OTOG: variants seen among roughly 807,000 people sequenced by gnomAD.
OTOG encodes otogelin.
Under a neutral mutation model 313.8 loss-of-function variants are expected in OTOG, and 296 were observed. That is an observed-to-expected ratio of 0.94 (90% confidence interval 0.86 to 1.04). The LOEUF is 1.04. OTOG is among the 50% of genes least tolerant of loss of function. The pLI, the probability that OTOG is intolerant of heterozygous loss-of-function variation, is 0.00. For synonymous variants in OTOG, 1,533 were observed against 1,554.9 expected, an observed-to-expected ratio of 0.99 and a Z score of 0.33; for missense variants, 3,948 against 3,840.1, an observed-to-expected ratio of 1.03 and a Z score of -0.74.
At chr11:17,577,727 C>A (rs543369005) in intron 22 of OTOG, among the ~76,000 whole-genome samples, 1 of 152,134 alleles carries the variant, frequency 6.6e-6, no homozygotes, top group East Asian at 1.9e-4. Context: ...TTTATCTCAC[C>A]TCCTGTGCCT....
intron 19 of OTOG, 38 bp downstream of exon 19, chr11:17,573,328 C>A (rs547310488): frequency 4.4e-5 from 65 of 1,482,852 alleles, no homozygotes; most frequent in Middle Eastern, 4.6e-4. Context: ...GCTGGAGGAG[C>A]CAGAGCTCCA....
chr11:17,613,734 G>A, intron 39 of OTOG, 33 bp downstream of exon 39: 1 of 1,533,362 alleles, frequency 6.5e-7, no homozygotes. Flanking sequence ...CTCCAGGGCA[G>A]GGCCACAGTC....
chr11:17,601,093 T>C (rs917649734), intron 31 of OTOG, among the ~76,000 whole-genome samples: 6 of 152,190 alleles, frequency 3.9e-5, no homozygotes, highest in African/African-American at 1.4e-4. Flanking sequence ...ACAAACCACT[T>C]TTTTTTGTTT....
intron 34 of OTOG, 145 bp downstream of exon 34, chr11:17,608,558 ACATATGTCAG>A: frequency 3.3e-6 from 2 of 597,206 alleles, no homozygotes; most frequent in Middle Eastern, 4.3e-4. Context: ...CCGTATATGC[ACATATGTCAG>A]CATATGTGAC....
chr11:17,596,000 C>T, intron 28 of OTOG, 38 bp from the exon 29 acceptor site: 1 of 1,420,094 alleles, frequency 7.0e-7, no homozygotes, highest in Non-Finnish European at 9.7e-7. Context: ...AGGCATTTGG[C>T]AAGTAGGGAG....
intron 15 of OTOG, among the ~76,000 whole-genome samples, chr11:17,568,032 C>T (rs1204265655): frequency 7.2e-5 from 11 of 152,188 alleles, no homozygotes; most frequent in Admixed American, 3.3e-4. Flanking sequence ...CTCAGCCTCC[C>T]GAGTAACTGG....
Position 17,596,063 on chromosome 11 carries a change from A to G in OTOG, c.3434A>G (p.Asp1145Gly), listed in dbSNP as rs1205848323. Residue 1145 changes from aspartate (D) to glycine (G), a missense_variant, in exon 29 of 56, where the codon GAT becomes GGT. Asp to Gly is a moderately conservative substitution (Grantham distance 94). Transcript: ENST00000399397. ...TGCCCAGACACCCTCGATCCTCGGG[A>G]TATGTGTGTCCTGAATCCTCTCCGA... ...VECPDTLDPRDMCVLNPLREP... is the reference protein window; with the variant it reads ...VECPDTLDPRGMCVLNPLREP... The G allele has an allele frequency of 5.8e-6, 9 of 1,550,676 alleles. No individual in the cohort carries two copies. The highest frequency in any genetic ancestry group is 7.8e-6 in the Non-Finnish European group (9 of 1,146,990).
At chr11:17,577,641 C>T (rs990818302) in intron 22 of OTOG, among the ~76,000 whole-genome samples, 6 of 152,162 alleles carry the variant, frequency 3.9e-5, no homozygotes, top group African/African-American at 1.2e-4. Flanking sequence ...TGCATCCTCC[C>T]CATGTTTTGT....
intron 34 of OTOG, 81 bp from the exon 35 acceptor site, chr11:17,609,049 A>T (rs1239557698): frequency 9.1e-7 from 1 of 1,103,826 alleles, no homozygotes; most frequent in Non-Finnish European, 1.3e-6. Context: ...AGAAAGGATA[A>T]GGCCTGTGCT....
chr11:17,613,195 T>TTTCCTTTCTTTCTTTC lies in OTOG; in HGVS notation c.6439-415_6439-414insCCTTTCTTTCTTTCTT, dbSNP rs1401646180. Reference sequence around the variant, plus strand: ...TTTTCTTTCTTTCTTTCTTTCTTTCTTTTCTTTCTTTCTTTCTTTCTTTCT... The same window carrying TTTCCTTTCTTTCTTTC: ...TTTTCTTTCTTTCTTTCTTTCTTTCTTTCCTTTCTTTCTTTCTTTCTTTCTTTCTTTCTTTCTTTCT... On this transcript the variant is annotated intron_variant, in intron 38 of 55. Transcript: ENST00000399397. Among the ~76,000 whole-genome samples, 18 of 65,368 alleles carry TTTCCTTTCTTTCTTTC rather than the reference T, an allele frequency of 2.8e-4. 1 individual carries two copies. Among genetic ancestry groups the TTTCCTTTCTTTCTTTC allele is most frequent in the Admixed American group, 1.8e-3 (12 of 6,638 alleles). 42.9% of individuals were successfully genotyped at this position (65,368 alleles called of 152,430 possible). A position where few individuals can be genotyped will look rare whatever the true frequency, so the allele number is the denominator to read the frequency against.
intron 24 of OTOG, among the ~76,000 whole-genome samples, chr11:17,587,207 A>C (rs559725413): frequency 1.8e-4 from 28 of 152,306 alleles, no homozygotes; most frequent in African/African-American, 6.5e-4. Context: ...GTATTTGTTT[A>C]GTAATGTAAG....
In OTOG at chr11:17,635,160, G is replaced by T. The variant is rs1474069594; in HGVS notation, c.7666G>T (p.Asp2556Tyr). Residue 2556 changes from aspartate to tyrosine, a missense_variant, in exon 46 of 56, where the codon GAC becomes TAC. Asp to Tyr is a radical substitution (Grantham distance 160). Transcript: ENST00000399397. ...GATCCTGATCACGGGCCGCCTGGGGGACTCCTGCTGCACCTCCTACTTCTG... is the reference window on the plus strand; with the variant it reads ...GATCCTGATCACGGGCCGCCTGGGGTACTCCTGCTGCACCTCCTACTTCTG... ...DQILITGRLG[D>Y]SCCTSYFCAC... 1 of 1,547,526 alleles carries T rather than the reference G, an allele frequency of 6.5e-7. No individual in the cohort carries two copies. Among genetic ancestry groups the T allele is most frequent in the African/African-American group, 1.4e-5 (1 of 73,120 alleles).
chr11:17,547,785 A>G (rs984938723), intron 1 of OTOG, 142 bp from the exon 2 acceptor site: 11 of 431,856 alleles, frequency 2.5e-5, no homozygotes, highest in African/African-American at 4.0e-5. Flanking sequence ...AAGGGAGAGA[A>G]AGGATTTGAG....
chr11:17,574,927 T>A lies in OTOG; in HGVS notation c.2486+15T>A. ...TGTGTCCCCCGGTGAGTGGGTCAGC[T>A]TGATCTCTGAGTTGGGTGGGAAGGT... On this transcript the variant is annotated intron_variant, in intron 20 of 55. Transcript: ENST00000399397. The A allele has an allele frequency of 6.8e-7, 1 of 1,479,928 alleles. No individual in the cohort carries two copies. 91.7% of individuals were successfully genotyped at this position (1,479,928 alleles called of 1,614,324 possible).
chr11:17,617,470 T>C (rs1337134269), intron 39 of OTOG, among the ~76,000 whole-genome samples: 1 of 152,208 alleles, frequency 6.6e-6, no homozygotes, highest in Admixed American at 6.5e-5. Flanking sequence ...AAAACACACG[T>C]TCAATTTCTT....
intron 25 of OTOG, among the ~76,000 whole-genome samples, chr11:17,592,147 G>T (rs1311589251): frequency 6.6e-6 from 1 of 152,128 alleles, no homozygotes; most frequent in Non-Finnish European, 1.5e-5. Flanking sequence ...CTGGTGATGT[G>T]GGGGGCACAG....
At chr11:17,597,976 C>T (rs1276043216) in intron 30 of OTOG, among the ~76,000 whole-genome samples, 2 of 152,226 alleles carry the variant, frequency 1.3e-5, no homozygotes, top group Non-Finnish European at 2.9e-5. Flanking sequence ...ATGTACAGCA[C>T]TTGGCACAGT....
chr11:17,611,132 C>T lies in OTOG; in HGVS notation c.5832C>T (p.Pro1944=), dbSNP rs1853530951. The T allele has an allele frequency of 3.9e-6, 6 of 1,550,466 alleles. No individual in the cohort carries two copies. Among genetic ancestry groups the T allele is most frequent in the Non-Finnish European group, 5.2e-6 (6 of 1,146,962 alleles). The part of the protein sequence containing the change: ...LTPATSHPLT[P]LVAEPEGAQA... Reference sequence around the variant, plus strand: ...CTGCTACGAGCCACCCTCTCACGCCCTTGGTGGCTGAGCCCGAGGGAGCCC... The same window carrying T: ...CTGCTACGAGCCACCCTCTCACGCCTTTGGTGGCTGAGCCCGAGGGAGCCC... Residue 1944 remains proline (P), a synonymous_variant, in exon 36 of 56, where the codon CCC becomes CCT. Coordinates refer to ENST00000399397, the MANE Select transcript of OTOG (RefSeq NM_001292063.2).
chr11:17,547,476 T>C lies in OTOG; in HGVS notation c.94+10T>C, dbSNP rs368841888. Reference sequence around the variant, plus strand: ...CGGGTGCAGCGCCTCGGTGAGAGGGTTGTGGACTCAGGGAGGTCGGGGGCT... The same window carrying C: ...CGGGTGCAGCGCCTCGGTGAGAGGGCTGTGGACTCAGGGAGGTCGGGGGCT... On this transcript the variant is annotated intron_variant, in intron 1 of 55. Transcript: ENST00000399397. 87 of 1,350,060 alleles carry C rather than the reference T, an allele frequency of 6.4e-5. No homozygotes were observed. The South Asian group carries it at 1.2e-3, about 18-fold the overall frequency. The allele number at this position is 1,350,060 out of a possible 1,614,324, so 83.6% of individuals were successfully genotyped here.
Sources: gnomAD v4.1 joint callset for allele counts (sites outside exome capture counted in the v4.1 genomes callset) on GRCh38, gnomAD v4.1.1 for gene constraint, MANE v1.5 for transcripts, NCBI Gene and HGNC (gene_info 2026-07-23, HGNC 2026-07-21) for gene names.